The following LY86 variants were observed in gnomAD, a reference collection of about 807,000 sequenced individuals.
LY86 encodes the protein lymphocyte antigen 86, also known as MD-1, RP105-associated.
LY86 carries 20 observed loss-of-function variants against 17.3 expected under a neutral mutation model. The ratio of observed to expected loss-of-function variants is 1.15; its 90% CI spans 0.81 to 1.68. LY86 has a LOEUF of 1.68. Among genes scored for constraint, LY86 ranks in the 40% most tolerant of loss-of-function variants. LY86 has a pLI of 0.00. For missense variants in LY86, 200 were observed against 191.9 expected (o/e 1.04, Z -0.25); for synonymous variants, 74 against 70.6 (o/e 1.05, Z -0.24).
intron 3 of LY86, among the ~76,000 whole-genome samples, chr6:6,648,776 A>AAC (rs1554126815): frequency 4.8e-4 from 73 of 151,902 alleles, no homozygotes; most frequent in Non-Finnish European, 8.2e-4. Context: ...AAAAAAGAAA[A>AAC]AAACAAGGAA....
At chr6:6,621,106 G>C (rs1761662554) in intron 1 of LY86, 1 of 152,264 alleles carries the variant, frequency 6.6e-6, no homozygotes, top group Non-Finnish European at 1.5e-5. Flanking sequence ...GTGCCACATA[G>C]AGGCCAAGGA....
chr6:6,611,129 T>C (rs893600095), intron 1 of LY86, among the ~76,000 whole-genome samples: 2 of 152,220 alleles, frequency 1.3e-5, no homozygotes, highest in African/African-American at 4.8e-5. Flanking sequence ...CAAGCTGGAC[T>C]GTTTGCATTT....
At chr6:6,599,338 T>C (rs1044922134) in intron 1 of LY86, among the ~76,000 whole-genome samples, 7 of 152,232 alleles carry the variant, frequency 4.6e-5, no homozygotes, top group Non-Finnish European at 1.0e-4. Context: ...TTAATGCCAT[T>C]CACTCCAACC....
chr6:6,654,506 G>A, intron 4 of LY86, 38 bp from the exon 5 acceptor site: 1 of 1,431,962 alleles, frequency 7.0e-7, no homozygotes, highest in Middle Eastern at 1.8e-4. Context: ...ATTGTACTGT[G>A]GGTCACACGT....
At chr6:6,591,051 G>A (rs961036221) in intron 1 of LY86, 4 of 153,650 alleles carry the variant, frequency 2.6e-5, no homozygotes, top group South Asian at 2.1e-4. Context: ...CATTTTCAGT[G>A]CAGGATGAGA....
At position 6,627,859 on chromosome 6, in the gene LY86, G is replaced by T. The variant is rs182955275; in HGVS notation, c.352+1438G>T. Among the ~76,000 whole-genome samples the T allele has an allele frequency of 2.4e-3, 359 of 152,312 alleles. 3 individuals are homozygous for T. Among genetic ancestry groups the T allele is most frequent in the African/African-American group, 7.7e-3 (319 of 41,568 alleles). On this transcript the variant is annotated intron_variant, in intron 3 of 4. Coordinates refer to ENST00000230568, the MANE Select transcript of LY86 (RefSeq NM_004271.4). Reference sequence around the variant, plus strand: ...CTTGCACCAAGTCACAGAGCTTGAAGGATCCATGGCTTGAACCCAGGCAGG... The same window carrying T: ...CTTGCACCAAGTCACAGAGCTTGAATGATCCATGGCTTGAACCCAGGCAGG...
intron 3 of LY86, among the ~76,000 whole-genome samples, chr6:6,646,176 C>T (rs773208284): frequency 2.0e-5 from 3 of 152,238 alleles, no homozygotes; most frequent in South Asian, 2.1e-4. Flanking sequence ...TCCCTCTGAA[C>T]CCTCTATATG....
At chr6:6,652,130 A>G (rs1762196612) in intron 4 of LY86, among the ~76,000 whole-genome samples, 1 of 151,518 alleles carries the variant, frequency 6.6e-6, no homozygotes, top group African/African-American at 2.4e-5. Context: ...AATCACCTAC[A>G]GTGCATGAAG....
chr6:6,596,572 G>C (rs1732066193), intron 1 of LY86, among the ~76,000 whole-genome samples: 1 of 152,170 alleles, frequency 6.6e-6, no homozygotes, highest in Non-Finnish European at 1.5e-5. Flanking sequence ...AATTTCAGAG[G>C]GATGACTCTG....
intron 1 of LY86, among the ~76,000 whole-genome samples, chr6:6,614,603 C>G (rs1761502928): frequency 6.6e-6 from 1 of 152,162 alleles, no homozygotes; most frequent in Admixed American, 6.5e-5. Flanking sequence ...CAGGCGTGTC[C>G]TGTCTCATGC....
chr6:6,646,255 G>A (rs1489131808), intron 3 of LY86, among the ~76,000 whole-genome samples: 2 of 152,024 alleles, frequency 1.3e-5, no homozygotes, highest in Non-Finnish European at 2.9e-5. Context: ...CCAATTAATA[G>A]AAAAAAGAGC....
At chr6:6,645,415 C>T (rs753103959) in intron 3 of LY86, among the ~76,000 whole-genome samples, 9 of 152,044 alleles carry the variant, frequency 5.9e-5, no homozygotes, top group Non-Finnish European at 5.9e-5. Context: ...GGAGGCATTG[C>T]TATTTCGATT....
chr6:6,626,195 CA>C (rs978931479), intron 2 of LY86, 97 bp from the exon 3 acceptor site: 36 of 1,241,342 alleles, frequency 2.9e-5, no homozygotes, highest in Non-Finnish European at 3.8e-5. Flanking sequence ...TTAATGGAAA[CA>C]AAAGGTTCTT....
chr6:6,598,926 A>G (rs922871605), intron 1 of LY86, among the ~76,000 whole-genome samples: 2 of 152,316 alleles, frequency 1.3e-5, no homozygotes, highest in East Asian at 3.9e-4. Context: ...CCATTTGTAT[A>G]TTCTGTGCCA....
At chr6:6,647,152 C>T (rs1365548241) in intron 3 of LY86, among the ~76,000 whole-genome samples, 1 of 152,214 alleles carries the variant, frequency 6.6e-6, no homozygotes, top group Non-Finnish European at 1.5e-5. Flanking sequence ...CACCTGAACT[C>T]ATTCTGCTCT....
Position 6,650,339 on chromosome 6 carries a change from G to T in LY86, c.405+662G>T, listed in dbSNP as rs202052102. Among the ~76,000 whole-genome samples the T allele has an allele frequency of 2.1e-4, 31 of 148,114 alleles. 1 individual carries two copies. The East Asian group carries it at 2.4e-3, about 11-fold the overall frequency. The stretch of plus-strand genomic sequence containing the variant: ...TTCAATATGCTACCCCTCAGATAAT[G>T]GTTTTTTTTTTTTTTGAGAGAGTCT... On this transcript the variant is annotated intron_variant, in intron 4 of 4. Transcript: ENST00000230568.
intron 1 of LY86, among the ~76,000 whole-genome samples, chr6:6,604,317 T>A (rs1761022932): frequency 6.6e-6 from 1 of 152,074 alleles, no homozygotes; most frequent in Non-Finnish European, 1.5e-5. Context: ...AAAGATACAG[T>A]ATATAAAATG....
intron 1 of LY86, among the ~76,000 whole-genome samples, chr6:6,614,411 A>G (rs1438381611): frequency 1.4e-5 from 2 of 142,824 alleles, no homozygotes; most frequent in Admixed American, 7.1e-5. Context: ...GTATGCTTGC[A>G]TTCCCACCTT....
chr6:6,627,270 T>C (rs918006456), intron 3 of LY86, among the ~76,000 whole-genome samples: 3 of 152,230 alleles, frequency 2.0e-5, no homozygotes, highest in African/African-American at 4.8e-5. Flanking sequence ...TCAAGAGAGC[T>C]AGAATTTTAA....
Sources: gnomAD v4.1 joint callset for allele counts (sites outside exome capture counted in the v4.1 genomes callset) on GRCh38, gnomAD v4.1.1 for gene constraint, MANE v1.5 for transcripts, NCBI Gene and HGNC (gene_info 2026-07-23, HGNC 2026-07-21) for gene names.